SGCD: variants seen among roughly 807,000 people sequenced by gnomAD.
SGCD encodes sarcoglycan delta, also known as delta-sarcoglycan.
In SGCD, 18 loss-of-function variants were observed where a neutral mutation model predicts 36.6. That is an observed-to-expected ratio of 0.49 (90% CI 0.34 to 0.73). The LOEUF (loss-of-function observed/expected upper bound fraction) is 0.73. Among genes scored for constraint, SGCD ranks in the 30% least tolerant of loss-of-function variants. SGCD has a pLI of 0.01. For synonymous variants in SGCD, 133 were observed against 130.6 expected, an observed-to-expected ratio of 1.02 and a Z score of -0.12; for missense variants, 387 against 346.7, an observed-to-expected ratio of 1.12 and a Z score of -0.92.
chr5:156,167,910 T>C (rs927010582), intron 3 of SGCD, among the ~76,000 whole-genome samples: 1 of 152,210 alleles, frequency 6.6e-6, no homozygotes, highest in African/African-American at 2.4e-5. Context: ...GAAGCATAGA[T>C]AGTTCACCTT....
intron 1 of SGCD, among the ~76,000 whole-genome samples, chr5:156,046,954 A>C (rs994289758): frequency 1.3e-5 from 2 of 152,190 alleles, no homozygotes; most frequent in African/African-American, 4.8e-5. Context: ...AAGAAAATTA[A>C]AAGTGCTATT....
intron 7 of SGCD, among the ~76,000 whole-genome samples, chr5:156,649,575 A>G (rs1356429239): frequency 2.0e-5 from 3 of 152,066 alleles, no homozygotes; most frequent in East Asian, 3.9e-4. Context: ...CATGGATGAA[A>G]CTGGAAACCA....
At chr5:155,932,792 A>C (rs1024659419) in intron 1 of SGCD, among the ~76,000 whole-genome samples, 4 of 152,156 alleles carry the variant, frequency 2.6e-5, no homozygotes, top group Admixed American at 2.6e-4. Flanking sequence ...TGGGTCTACA[A>C]CAGCTGGAAA....
chr5:156,393,548 C>T (rs575944546), intron 3 of SGCD, among the ~76,000 whole-genome samples: 19 of 152,182 alleles, frequency 1.2e-4, no homozygotes, highest in East Asian at 5.8e-4. Context: ...TAGCGGTGGA[C>T]GCACCACATG....
intron 3 of SGCD, among the ~76,000 whole-genome samples, chr5:156,149,422 T>C (rs965344563): frequency 1.3e-5 from 2 of 152,220 alleles, no homozygotes; most frequent in African/African-American, 4.8e-5. Flanking sequence ...AATCATGTTT[T>C]GGATGTCATT....
At chr5:155,957,149 G>C (rs1234771726) in intron 1 of SGCD, among the ~76,000 whole-genome samples, 1 of 152,094 alleles carries the variant, frequency 6.6e-6, no homozygotes, top group African/African-American at 2.4e-5. Context: ...AGATGGAAAA[G>C]AGAGAGTCTT....
At chr5:156,153,790 G>A (rs1211288714) in intron 3 of SGCD, among the ~76,000 whole-genome samples, 2 of 151,420 alleles carry the variant, frequency 1.3e-5, no homozygotes, top group Non-Finnish European at 2.9e-5. Flanking sequence ...GGGTTTCCAG[G>A]CCACACCCAA....
At chr5:156,284,281 C>T (rs1387014252) in intron 3 of SGCD, among the ~76,000 whole-genome samples, 1 of 152,126 alleles carries the variant, frequency 6.6e-6, no homozygotes, top group African/African-American at 2.4e-5. Flanking sequence ...GAAACTATTC[C>T]AATCAATAGA....
intron 1 of SGCD, among the ~76,000 whole-genome samples, chr5:155,878,179 A>G (rs1427025150): frequency 1.3e-5 from 2 of 152,128 alleles, no homozygotes; most frequent in Non-Finnish European, 2.9e-5. Flanking sequence ...ACAACAACAA[A>G]AAAGTGATAT....
At chr5:156,671,384 C>T (rs991927627) in intron 7 of SGCD, among the ~76,000 whole-genome samples, 19 of 151,452 alleles carry the variant, frequency 1.3e-4, no homozygotes, top group African/African-American at 3.6e-4. Context: ...GTGATTCTCC[C>T]GCCTCAGCCT....
In SGCD at chr5:156,033,687, A is replaced by G. The variant is rs146111274; in HGVS notation, c.-281-84191A>G. 3.0e-3 allele frequency among the ~76,000 whole-genome samples: 454 copies of G among 152,326 alleles called. 3 individuals are homozygous for G. Among genetic ancestry groups the G allele is most frequent in the African/African-American group, 0.01 (431 of 41,574 alleles). On this transcript the variant is annotated intron_variant, in intron 1 of 9. Coordinates refer to the SGCD transcript ENST00000517913. Reference sequence around the variant, plus strand: ...AGTAGCTTTCTCACATTTGCAAATTAGAAACTAAGACTATTGTTTGCGCCC... The same window carrying G: ...AGTAGCTTTCTCACATTTGCAAATTGGAAACTAAGACTATTGTTTGCGCCC...
At chr5:155,826,925 C>T in the SGCD span, among the ~76,000 whole-genome samples, 2 of 152,172 alleles carry the variant, frequency 1.3e-5, no homozygotes, top group Non-Finnish European at 2.9e-5. Context: ...TGCTGGTTTC[C>T]ATGATACTGC....
chr5:156,288,834 GC>G (rs1370304367), intron 3 of SGCD, among the ~76,000 whole-genome samples: 2 of 152,156 alleles, frequency 1.3e-5, no homozygotes, highest in African/African-American at 4.8e-5. Context: ...CTAGACACTG[GC>G]CCCTTGGGTC....
At chr5:156,315,763 G>A (rs2127693536) in intron 3 of SGCD, among the ~76,000 whole-genome samples, 1 of 152,072 alleles carries the variant, frequency 6.6e-6, no homozygotes, top group African/African-American at 2.4e-5. Flanking sequence ...CCTAACAGAT[G>A]TGAGATAACT....
chr5:156,298,965 T>C (rs1766979281), intron 3 of SGCD, among the ~76,000 whole-genome samples: 1 of 152,206 alleles, frequency 6.6e-6, no homozygotes, highest in South Asian at 2.1e-4. Flanking sequence ...ACTTGTATTT[T>C]TGCTGTGGTT....
chr5:156,060,989 TTC>T (rs1256497701), intron 1 of SGCD, among the ~76,000 whole-genome samples: 3 of 145,162 alleles, frequency 2.1e-5, no homozygotes, highest in African/African-American at 7.4e-5. Flanking sequence ...CCTCTGTCTT[TTC>T]TCTGTGTCTG....
the SGCD span, among the ~76,000 whole-genome samples, chr5:155,806,895 C>T: frequency 6.6e-6 from 1 of 152,060 alleles, no homozygotes; most frequent in Non-Finnish European, 1.5e-5. Flanking sequence ...ACAGTAATCT[C>T]AGAAGAGTTT....
intron 3 of SGCD, among the ~76,000 whole-genome samples, chr5:156,404,923 A>T (rs1772332380): frequency 6.6e-6 from 1 of 152,164 alleles, no homozygotes; most frequent in South Asian, 2.1e-4. Flanking sequence ...ATATGATGTG[A>T]TGCCACTTCT....
chr5:156,690,011 C>T (rs1754051187), intron 7 of SGCD, among the ~76,000 whole-genome samples: 1 of 152,144 alleles, frequency 6.6e-6, no homozygotes, highest in Non-Finnish European at 1.5e-5. Flanking sequence ...TATGAAATGG[C>T]TATTTTCAAA....
Sources: allele counts gnomAD v4.1 joint callset (sites outside exome capture counted in the v4.1 genomes callset), GRCh38; gene constraint gnomAD v4.1.1; transcripts MANE v1.5; gene names NCBI Gene and HGNC (gene_info 2026-07-23, HGNC 2026-07-21).